FOXP2: variants seen among roughly 807,000 people sequenced by gnomAD.
FOXP2 encodes the protein forkhead box protein P2.
FOXP2 carries 12 observed loss-of-function variants against 115.8 expected under a neutral mutation model. The ratio of observed to expected loss-of-function variants is 0.10; its 90% CI spans 0.07 to 0.17. The LOEUF (loss-of-function observed/expected upper bound fraction) is 0.17. Ranked by LOEUF, FOXP2 falls within the 10% of genes least tolerant of loss-of-function variation. The probability of loss-of-function intolerance (pLI) is 1.00; values close to 1 mark genes in which losing one functional copy is unlikely to be tolerated. For synonymous variants in FOXP2, 328 were observed against 297.7 expected (o/e 1.10, Z -1.05); for missense variants, 629 against 843.5 (o/e 0.75, Z 3.15).
chr7:114,284,986 A>G (rs1796430793), intron 1 of FOXP2, among the ~76,000 whole-genome samples: 1 of 152,124 alleles, frequency 6.6e-6, no homozygotes, highest in South Asian at 2.1e-4. Context: ...ATGAGAACAC[A>G]TAGACGCATA....
At chr7:114,650,993 G>A (rs1284566026) in intron 8 of FOXP2, among the ~76,000 whole-genome samples, 1 of 151,934 alleles carries the variant, frequency 6.6e-6, no homozygotes, top group Non-Finnish European at 1.5e-5. Context: ...GTTTTTATCA[G>A]CAACACGACT....
intron 1 of FOXP2, among the ~76,000 whole-genome samples, chr7:114,259,621 G>A (rs1795697897): frequency 6.6e-6 from 1 of 152,168 alleles, no homozygotes; most frequent in Non-Finnish European, 1.5e-5. Context: ...ATATGTGTTT[G>A]TGTTGGGAGA....
At chr7:114,484,996 T>G (rs1796713954) in intron 2 of FOXP2, among the ~76,000 whole-genome samples, 1 of 151,908 alleles carries the variant, frequency 6.6e-6, no homozygotes, top group African/African-American at 2.4e-5. Flanking sequence ...AAGTTGGTAA[T>G]TTTTACTTGA....
intron 2 of FOXP2, among the ~76,000 whole-genome samples, chr7:114,344,300 C>T (rs1169955125): frequency 6.6e-6 from 1 of 151,708 alleles, no homozygotes; most frequent in African/African-American, 2.4e-5. Context: ...ACCCTATACC[C>T]ACTTTAAAAA....
intron 2 of FOXP2, among the ~76,000 whole-genome samples, chr7:114,493,060 C>G (rs1013300004): frequency 1.1e-4 from 17 of 152,092 alleles, no homozygotes; most frequent in African/African-American, 3.4e-4. Context: ...CTTTGTAGGT[C>G]TCTAAGGACT....
chr7:114,594,669 G>A (rs1365161238), intron 3 of FOXP2, among the ~76,000 whole-genome samples: 1 of 152,028 alleles, frequency 6.6e-6, no homozygotes, highest in African/African-American at 2.4e-5. Context: ...TTCATTGGAA[G>A]CTTCTGAAAG....
At chr7:114,458,546 C>CTTTTTTTTTTTT (rs1177402028) in intron 2 of FOXP2, among the ~76,000 whole-genome samples, 1 of 113,420 alleles carries the variant, frequency 8.8e-6, no homozygotes, top group Non-Finnish European at 1.8e-5. Flanking sequence ...ATTTTCTTTT[C>CTTTTTTTTTTTT]TTTTTTTTTT....
At chr7:114,362,284 A>T (rs561997203) in intron 2 of FOXP2, among the ~76,000 whole-genome samples, 1 of 152,228 alleles carries the variant, frequency 6.6e-6, no homozygotes, top group Non-Finnish European at 1.5e-5. Context: ...AATCAAAAGA[A>T]CAATGAATAA....
chr7:114,444,711 T>G (rs1372996699), intron 2 of FOXP2, among the ~76,000 whole-genome samples: 2 of 152,174 alleles, frequency 1.3e-5, no homozygotes, highest in South Asian at 4.1e-4. Context: ...ATTTTAAGAT[T>G]GATGACTGTA....
At chr7:114,241,213 TTC>T (rs1554353583) in intron 1 of FOXP2, among the ~76,000 whole-genome samples, 1 of 152,096 alleles carries the variant, frequency 6.6e-6, no homozygotes, top group Admixed American at 6.5e-5. Flanking sequence ...ATAAAAAATA[TTC>T]TCTGTCTTCT....
chr7:114,425,980 T>G (rs1312059534), intron 1 of FOXP2, among the ~76,000 whole-genome samples: 1 of 151,730 alleles, frequency 6.6e-6, no homozygotes, highest in Non-Finnish European at 1.5e-5. Context: ...TTATCATTGG[T>G]TGGTACCATA....
chr7:114,311,061 C>A (rs892278150), intron 2 of FOXP2, among the ~76,000 whole-genome samples: 1 of 152,078 alleles, frequency 6.6e-6, no homozygotes, highest in Non-Finnish European at 1.5e-5. Context: ...AGGGAAGTTG[C>A]GGATCACCAG....
intron 2 of FOXP2, among the ~76,000 whole-genome samples, chr7:114,451,453 A>T (rs945845317): frequency 1.3e-5 from 2 of 152,070 alleles, no homozygotes; most frequent in African/African-American, 4.8e-5. Flanking sequence ...GGATGGGGGA[A>T]TTAAACAACT....
chr7:114,265,668 G>A (rs1440284991), intron 1 of FOXP2, among the ~76,000 whole-genome samples: 1 of 152,080 alleles, frequency 6.6e-6, no homozygotes, highest in Non-Finnish European at 1.5e-5. Flanking sequence ...CCCTAGTAGA[G>A]GTTCTCGGTG....
intron 1 of FOXP2, among the ~76,000 whole-genome samples, chr7:114,107,878 A>G (rs1487163970): frequency 6.6e-6 from 1 of 151,898 alleles, no homozygotes; most frequent in Non-Finnish European, 1.5e-5. Context: ...TACAATGTGG[A>G]ATCTTGGGAT....
chr7:114,161,330 A>T (rs1792824772), upstream of FOXP2, among the ~76,000 whole-genome samples: 1 of 152,186 alleles, frequency 6.6e-6, no homozygotes, highest in Non-Finnish European at 1.5e-5. Flanking sequence ...TTCACCTTGA[A>T]ATAATTTTGA....
chr7:114,478,713 T>C (rs1269209713), intron 2 of FOXP2, among the ~76,000 whole-genome samples: 1 of 151,790 alleles, frequency 6.6e-6, no homozygotes, highest in Non-Finnish European at 1.5e-5. Flanking sequence ...CAGTGACAAA[T>C]CTGGATACAT....
At chr7:114,605,633 G>A (rs1256606994) in intron 3 of FOXP2, among the ~76,000 whole-genome samples, 1 of 152,154 alleles carries the variant, frequency 6.6e-6, no homozygotes, top group Non-Finnish European at 1.5e-5. Flanking sequence ...GGACGATAAG[G>A]TTTGGGTTGA....
intron 1 of FOXP2, among the ~76,000 whole-genome samples, chr7:114,214,605 A>G (rs966867370): frequency 2.6e-5 from 4 of 152,210 alleles, no homozygotes; most frequent in African/African-American, 7.2e-5. Context: ...AAGACACGGT[A>G]TAGGCTGATG....
Sources: gnomAD v4.1 joint callset for allele counts (sites outside exome capture counted in the v4.1 genomes callset) on GRCh38, gnomAD v4.1.1 for gene constraint, MANE v1.5 for transcripts, NCBI Gene and HGNC (gene_info 2026-07-23, HGNC 2026-07-21) for gene names.